Variants in KIRREL1 observed in about 807,000 individuals in gnomAD.
KIRREL1 encodes the protein kirre like nephrin family adhesion molecule 1, also known as kin of IRRE-like protein 1.
A neutral mutation model predicts 83.3 loss-of-function variants in KIRREL1; 25 were observed. The ratio of observed to expected loss-of-function variants is 0.30; its 90% CI spans 0.22 to 0.42. KIRREL1 has a LOEUF of 0.42. KIRREL1 is among the 10% of genes least tolerant of loss of function. The probability of loss-of-function intolerance (pLI) is 1.00; values close to 1 mark genes in which losing one functional copy is unlikely to be tolerated. For synonymous variants in KIRREL1, 388 were observed against 410.4 expected (o/e 0.95, Z 0.66); for missense variants, 812 against 1,032.3 (o/e 0.79, Z 2.92).
In KIRREL1 at chr1:158,094,345, C is replaced by T; in HGVS notation, c.1752C>T (p.Asp584=). Residue 584 remains aspartate (D), a synonymous_variant, in exon 14 of 15, where the codon GAC becomes GAT. Transcript: ENST00000359209. This position sits in a 1 kb window ranked among gnomAD's most constrained non-coding sequence, Gnocchi z 4.6. The part of the protein sequence containing the change: ...SFKDDVDLKQ[D]LRCDTIDTRE... ...AGGATGATGTGGATCTGAAGCAGGA[C>T]CTGCGCTGCGACACCATCGACACCC... The T allele has an allele frequency of 6.2e-7, 1 of 1,611,742 alleles. No individual in the cohort carries two copies. The highest frequency in any genetic ancestry group is 1.1e-5 in the South Asian group (1 of 90,154).
chr1:158,029,731 C>G (rs1660271858), intron 1 of KIRREL1, among the ~76,000 whole-genome samples: 1 of 152,192 alleles, frequency 6.6e-6, no homozygotes. Flanking sequence ...TGTTCAGACA[C>G]AATTGTGACA....
chr1:158,036,708 C>T (rs555307786), intron 1 of KIRREL1, among the ~76,000 whole-genome samples: 1 of 152,276 alleles, frequency 6.6e-6, no homozygotes, highest in South Asian at 2.1e-4. Context: ...GGTCTGATGT[C>T]CTCCAGTCTA....
chr1:158,091,721 G>A (rs1662203141), intron 11 of KIRREL1, among the ~76,000 whole-genome samples, 165 bp downstream of exon 11: 2 of 152,220 alleles, frequency 1.3e-5, no homozygotes, highest in Admixed American at 1.3e-4. Context: ...GAGTGAAGGG[G>A]TTTGGGGCTA....
chr1:158,024,270 A>AT lies in KIRREL1; in HGVS notation c.52+30568dup, dbSNP rs67318767. 4.9e-3 allele frequency among the ~76,000 whole-genome samples: 340 copies of AT among 70,002 alleles called. 17 individuals are homozygous for AT. The highest frequency in any genetic ancestry group is 0.018 in the African/African-American group (322 of 18,288). 45.9% of individuals were successfully genotyped at this position (70,002 alleles called of 152,430 possible). ...GGCCTGGTTTTGTTGTTGTTGTTGT[A>AT]TTTTTTTTTTTTTTTTTTTTTTTTT... On this transcript the variant is annotated intron_variant, in intron 1 of 14. Coordinates refer to ENST00000359209, the MANE Select transcript of KIRREL1 (RefSeq NM_018240.7).
At chr1:158,069,830 C>T (rs1661462101) in intron 1 of KIRREL1, among the ~76,000 whole-genome samples, 1 of 152,138 alleles carries the variant, frequency 6.6e-6, no homozygotes. Context: ...AGTAATTGTG[C>T]CTACCTTATT....
At chr1:158,000,886 G>A (rs1347443409) in intron 1 of KIRREL1, among the ~76,000 whole-genome samples, 1 of 152,174 alleles carries the variant, frequency 6.6e-6, no homozygotes, top group African/African-American at 2.4e-5. Flanking sequence ...GAACTCTCTA[G>A]CAAATTCCAT....
chr1:158,080,761 CCT>C (rs1558014083), intron 3 of KIRREL1, among the ~76,000 whole-genome samples: 1 of 152,104 alleles, frequency 6.6e-6, no homozygotes, highest in Non-Finnish European at 1.5e-5. Context: ...GGCCCTTCTC[CCT>C]TCACTCTTTC....
intron 1 of KIRREL1, among the ~76,000 whole-genome samples, chr1:158,051,123 G>A (rs570522482): frequency 6.6e-6 from 1 of 152,214 alleles, no homozygotes; most frequent in Non-Finnish European, 1.5e-5. Flanking sequence ...TGTTCTGATG[G>A]TGGACGTGGT....
At chr1:158,052,853 G>A (rs952875798) in intron 1 of KIRREL1, among the ~76,000 whole-genome samples, 1 of 152,160 alleles carries the variant, frequency 6.6e-6, no homozygotes, top group Non-Finnish European at 1.5e-5. Flanking sequence ...TCAGCTTCTG[G>A]TGAGGCCTCA....
chr1:158,088,789 G>A (rs1391989178), intron 8 of KIRREL1, among the ~76,000 whole-genome samples: 1 of 152,206 alleles, frequency 6.6e-6, no homozygotes, highest in Non-Finnish European at 1.5e-5. Context: ...CGGCCTTACT[G>A]CGTGTTCTGA....
intron 1 of KIRREL1, among the ~76,000 whole-genome samples, chr1:158,063,338 A>T (rs555566035): frequency 1.3e-5 from 2 of 151,926 alleles, no homozygotes; most frequent in South Asian, 4.2e-4. Context: ...TAAGATATTC[A>T]TTCAACAAGC....
chr1:158,017,207 T>A (rs1659852304), intron 1 of KIRREL1, among the ~76,000 whole-genome samples: 1 of 152,120 alleles, frequency 6.6e-6, no homozygotes, highest in African/African-American at 2.4e-5. Context: ...TTCTCCTCAT[T>A]TTCCTCCTTT....
At chr1:158,051,842 ACCT>A (rs1302953566) in intron 1 of KIRREL1, among the ~76,000 whole-genome samples, 1 of 151,858 alleles carries the variant, frequency 6.6e-6, no homozygotes, top group African/African-American at 2.4e-5. Context: ...AAATGCCTTC[ACCT>A]CCTCTTTGGT....
chr1:158,003,011 C>A (rs953165886), intron 1 of KIRREL1, among the ~76,000 whole-genome samples: 2 of 152,188 alleles, frequency 1.3e-5, no homozygotes, highest in African/African-American at 4.8e-5. Context: ...TCTCCACCCC[C>A]CACTCCCACC....
At chr1:158,073,946 C>G (rs1364373262) in intron 1 of KIRREL1, among the ~76,000 whole-genome samples, 1 of 152,192 alleles carries the variant, frequency 6.6e-6, no homozygotes, top group Admixed American at 6.5e-5. Flanking sequence ...CAGGGCTCAC[C>G]AGCAAGCCCA....
At chr1:158,039,976 T>C (rs1484648977) in intron 1 of KIRREL1, among the ~76,000 whole-genome samples, 1 of 152,226 alleles carries the variant, frequency 6.6e-6, no homozygotes, top group African/African-American at 2.4e-5. Flanking sequence ...GGGCTGTTGA[T>C]CTACTCATAA....
Position 158,058,356 on chromosome 1 carries a change from C to T in KIRREL1, c.53-17757C>T, listed in dbSNP as rs575276625. ...TGCTGCTGTTCAGCTGACACCATAG[C>T]TGACGAGTTATTAAAAATCCTTCAT... On this transcript the variant is annotated intron_variant, in intron 1 of 14. Transcript: ENST00000359209. Among the ~76,000 whole-genome samples, 16 of 152,322 alleles carry T rather than the reference C, an allele frequency of 1.1e-4. No individual in the cohort carries two copies. In the South Asian group the frequency reaches 3.3e-3, roughly 32 times the overall value.
chr1:158,051,193 A>G (rs55676906), intron 1 of KIRREL1, among the ~76,000 whole-genome samples: 11,945 of 152,254 alleles, frequency 0.078, 565 homozygotes, highest in Middle Eastern at 0.19. Context: ...GCTCACACTC[A>G]GTGCATACTC....
intron 1 of KIRREL1, chr1:158,025,831 G>C (rs1482860503): frequency 6.6e-6 from 1 of 151,794 alleles, no homozygotes; most frequent in Non-Finnish European, 1.5e-5. Context: ...CCCAGGAGAG[G>C]CTGCTGCTAA....
Sources: allele counts gnomAD v4.1 joint callset (sites outside exome capture counted in the v4.1 genomes callset), GRCh38; gene constraint gnomAD v4.1.1; non-coding constraint Gnocchi (gnomAD v3.1); transcripts MANE v1.5; gene names NCBI Gene and HGNC (gene_info 2026-07-23, HGNC 2026-07-21).